The following NUMA1 variants were observed in gnomAD, a reference collection of about 807,000 sequenced individuals.
NUMA1 encodes nuclear mitotic apparatus protein 1, also known as SP-H antigen.
Under a neutral mutation model 237.1 loss-of-function variants are expected in NUMA1, and 62 were observed. The ratio of observed to expected loss-of-function variants is 0.26; its 90% confidence interval spans 0.21 to 0.32. The LOEUF (loss-of-function observed/expected upper bound fraction) is 0.32, where lower values mean the gene tolerates loss of function less well. NUMA1 is among the 10% of genes least tolerant of loss of function. The pLI, the probability that NUMA1 is intolerant of heterozygous loss-of-function variation, is 1.00. For synonymous variants in NUMA1, 1,028 were observed against 1,066.1 expected (o/e 0.96, Z 0.70); for missense variants, 2,533 against 2,666.5 (o/e 0.95, Z 1.10).
chr11:72,042,464 A>G (rs1407909155), intron 2 of NUMA1, among the ~76,000 whole-genome samples: 1 of 152,246 alleles, frequency 6.6e-6, no homozygotes, highest in East Asian at 1.9e-4. Context: ...AGTTTAGAAT[A>G]GGGAAGGATT....
chr11:72,061,220 T>C (rs1228108753), intron 2 of NUMA1, among the ~76,000 whole-genome samples: 1 of 152,106 alleles, frequency 6.6e-6, no homozygotes, highest in Non-Finnish European at 1.5e-5. Flanking sequence ...ATCTGGGTGA[T>C]AGAGCAAGAC....
chr11:72,021,763 C>G (rs1316467382), intron 7 of NUMA1, among the ~76,000 whole-genome samples: 1 of 152,104 alleles, frequency 6.6e-6, no homozygotes, highest in African/African-American at 2.4e-5. Context: ...ACTGCCACAC[C>G]CAGCTCATTT....
intron 2 of NUMA1, among the ~76,000 whole-genome samples, chr11:72,046,182 G>A (rs546004805): frequency 3.3e-5 from 5 of 152,350 alleles, no homozygotes; most frequent in East Asian, 1.9e-4. Context: ...GGCAGCAGGC[G>A]GCCACATGGC....
rs752587491 is a variant in NUMA1, at chr11:72,012,877, T to A, written c.4608+18A>T. On this transcript the variant is annotated intron_variant, in intron 15 of 26. Transcript: ENST00000393695. ...CAGCTCCTGATCTTTGGGAGGGTGG[T>A]TGGGCTGAGTACCTTACCTGGGCAG... 1 of 1,608,194 alleles carries A rather than the reference T, an allele frequency of 6.2e-7. No homozygotes were observed. The highest frequency in any genetic ancestry group is 8.5e-7 in the Non-Finnish European group (1 of 1,176,212).
chr11:72,062,527 AC>A (rs1330552697), intron 2 of NUMA1: 1 of 152,150 alleles, frequency 6.6e-6, no homozygotes, highest in Non-Finnish European at 1.5e-5. Flanking sequence ...AGCCTGGCCA[AC>A]ATGGTGAAAC....
At chr11:72,077,817 AAAAAAAAAAAAAC>A (rs1448417381) in intron 1 of NUMA1, among the ~76,000 whole-genome samples, 1 of 150,800 alleles carries the variant, frequency 6.6e-6, no homozygotes, top group Non-Finnish European at 1.5e-5. Flanking sequence ...CCATCTCAAA[AAAAAAAAAAAAAC>A]AAAAAACTGA....
intron 2 of NUMA1, chr11:72,040,851 G>A (rs1941589518): frequency 6.6e-6 from 1 of 151,994 alleles, no homozygotes; most frequent in South Asian, 2.1e-4. Flanking sequence ...GGATGGCGCA[G>A]GAAAGGGAGG....
Position 72,018,807 on chromosome 11 carries a change from T to C in NUMA1, c.742+16A>G. 1 of 1,604,298 alleles carries C rather than the reference T, an allele frequency of 6.2e-7. No homozygotes were observed. The highest frequency in any genetic ancestry group is 8.5e-7 in the Non-Finnish European group (1 of 1,178,216). On this transcript the variant is annotated intron_variant, in intron 10 of 26. Coordinates refer to ENST00000393695, the MANE Select transcript of NUMA1 (RefSeq NM_006185.4). The stretch of plus-strand genomic sequence containing the variant: ...GCAAGTCTATTCACACATCTGCCAG[T>C]GTGCCAGCCACCTACCCTTCTCGGT...
chr11:72,006,639 G>C lies in NUMA1; in HGVS notation c.5464-376C>G, dbSNP rs1183316465. Among the ~76,000 whole-genome samples the C allele has an allele frequency of 3.3e-5, 5 of 152,294 alleles. No homozygotes were observed. The South Asian group carries it at 1.0e-3, about 32-fold the overall frequency. On this transcript the variant is annotated intron_variant, in intron 21 of 26. Transcript: ENST00000393695. ...GGCCCCATGTCTCCTGACTAGTCAG[G>C]CTCATCCCACAGCCTCTGCTGTCCC... is the stretch of plus-strand genomic sequence containing the variant.
chr11:72,014,019 TGTCCCGCTCAGCCCGGGA>T lies in NUMA1; in HGVS notation c.3466_3483del (p.Arg1157_Ser1162del), dbSNP rs1565208691. Reference sequence around the variant, plus strand: ...TGGCCCTGCAGAGTCTCCAGAGCACTGTCCCGCTCAGCCCGGGAGGCCCGCTCAGCCTCGAGGCTGCGT... The same window carrying T: ...TGGCCCTGCAGAGTCTCCAGAGCACTGGCCCGCTCAGCCTCGAGGCTGCGT... On this transcript the variant is annotated inframe_deletion, in exon 15 of 27. Transcript: ENST00000393695. This position sits in a 1 kb window ranked among gnomAD's most constrained non-coding sequence, Gnocchi z 4.6. 1 of 1,611,840 alleles carries T rather than the reference TGTCCCGCTCAGCCCGGGA, an allele frequency of 6.2e-7. No homozygotes were observed. The highest frequency in any genetic ancestry group is 8.5e-7 in the Non-Finnish European group (1 of 1,179,974).
At chr11:72,079,788 G>C (rs1426639793) in intron 1 of NUMA1, among the ~76,000 whole-genome samples, 2 of 149,896 alleles carry the variant, frequency 1.3e-5, no homozygotes, top group Non-Finnish European at 3.0e-5. Flanking sequence ...GTTTTGACCA[G>C]GACAACCACC....
intron 17 of NUMA1, among the ~76,000 whole-genome samples, chr11:72,010,519 ATTTAC>A (rs1188106914): frequency 2.0e-5 from 3 of 152,218 alleles, no homozygotes; most frequent in East Asian, 1.9e-4. Flanking sequence ...GAAGAACTGG[ATTTAC>A]TTTAATAAAT....
At chr11:72,037,783 G>T (rs1941212975) in intron 2 of NUMA1, among the ~76,000 whole-genome samples, 1 of 152,182 alleles carries the variant, frequency 6.6e-6, no homozygotes, top group South Asian at 2.1e-4. Context: ...CTTTGGCAAG[G>T]GCAAATGAAA....
Position 72,003,901 on chromosome 11 carries a change from G to T in NUMA1, c.6322C>A (p.Arg2108=), listed in dbSNP as rs558707315. 29 of 1,613,670 alleles carry T rather than the reference G, an allele frequency of 1.8e-5. No homozygotes were observed. The highest frequency in any genetic ancestry group is 2.3e-5 in the Non-Finnish European group (27 of 1,179,892). The change falls in exon 26 of 27, where the codon CGA becomes AGA. Residue 2108 remains arginine (R), a synonymous_variant. Transcript: ENST00000393695. Reference sequence around the variant, plus strand: ...AGTGCCTCTACCTTGCCCTTGGCTCGAGGGGTGGCACCAATGGCGGCAGCA... The same window carrying T: ...AGTGCCTCTACCTTGCCCTTGGCTCTAGGGGTGGCACCAATGGCGGCAGCA... ...ATAAAIGATP[R]AKGKAKH
rs1236195881 is a variant in NUMA1, at chr11:72,079,755, A to T, written c.-103+703T>A. 2.5e-3 allele frequency among the ~76,000 whole-genome samples: 384 copies of T among 152,106 alleles called. 4 individuals are homozygous for T. The highest frequency in any genetic ancestry group is 9.0e-3 in the African/African-American group (372 of 41,502). ...AACAAAAACAAACAAAAATTAAAAA[A>T]AAAAAAAAAAAAGACTTAACCTGTT... On this transcript the variant is annotated intron_variant, in intron 1 of 26. Transcript: ENST00000393695.
intron 23 of NUMA1, 81 bp from the exon 24 acceptor site, chr11:72,004,897 A>C: frequency 7.5e-7 from 1 of 1,327,234 alleles, no homozygotes; most frequent in Non-Finnish European, 1.0e-6. Flanking sequence ...AGAACTCTAC[A>C]CTCGCCCGAC....
intron 2 of NUMA1, among the ~76,000 whole-genome samples, chr11:72,045,291 C>G (rs1941934040): frequency 6.6e-6 from 1 of 151,922 alleles, no homozygotes; most frequent in African/African-American, 2.4e-5. Context: ...GCTGTAGGCT[C>G]CCCATCACCT....
intron 5 of NUMA1, among the ~76,000 whole-genome samples, chr11:72,023,630 C>A (rs1012641561): frequency 6.6e-6 from 1 of 152,128 alleles, no homozygotes; most frequent in African/African-American, 2.4e-5. Context: ...TCCTATAATT[C>A]TCTAGGGGTG....
chr11:72,051,698 G>C (rs1283181426), intron 2 of NUMA1, among the ~76,000 whole-genome samples: 1 of 152,246 alleles, frequency 6.6e-6, no homozygotes, highest in African/African-American at 2.4e-5. Flanking sequence ...TCAAACTCTT[G>C]AGCTCAAGCG....
Sources: allele counts gnomAD v4.1 joint callset (sites outside exome capture counted in the v4.1 genomes callset), GRCh38; gene constraint gnomAD v4.1.1; non-coding constraint Gnocchi (gnomAD v3.1); transcripts MANE v1.5; gene names NCBI Gene and HGNC (gene_info 2026-07-23, HGNC 2026-07-21).